The following SEMA3F variants were observed in gnomAD, a reference collection of about 807,000 sequenced individuals.
The protein encoded by SEMA3F is semaphorin 3F, also known as semaphorin-3F.
SEMA3F carries 30 observed loss-of-function variants against 98.5 expected under a neutral mutation model. That is an observed-to-expected ratio of 0.30 (90% CI 0.23 to 0.41). SEMA3F has a LOEUF of 0.41. Among genes scored for constraint, SEMA3F ranks in the 10% least tolerant of loss-of-function variants. The probability of loss-of-function intolerance (pLI) is 1.00; values close to 1 mark genes in which losing one functional copy is unlikely to be tolerated. For synonymous variants in SEMA3F, 380 were observed against 444.8 expected (o/e 0.85, Z 1.83); for missense variants, 866 against 1,119.3 (o/e 0.77, Z 3.23).
In SEMA3F at chr3:50,183,563, C is replaced by T. The variant is rs200890253; in HGVS notation, c.1232C>T (p.Thr411Met). 26 of 1,613,722 alleles carry T rather than the reference C, an allele frequency of 1.6e-5. No homozygotes were observed. Among genetic ancestry groups the T allele is most frequent in the Middle Eastern group, 1.6e-4 (1 of 6,062 alleles). ...SGKMPYPRPG[T>M]CPGGTFTPSM... is the part of the protein sequence containing the mutation. ...AAGATGCCCTACCCACGGCCGGGCA[C>T]GGTAAGGACCCCACTCATCCTGCCT... The change falls in exon 12 of 19, where the codon ACG becomes ATG. Residue 411 changes from threonine (T) to methionine (M), a missense_variant and splice_region_variant. Thr to Met is a moderately conservative substitution (Grantham distance 81). This residue lies in a region of SEMA3F where 374 missense variants were observed against 582.8 expected (regional missense o/e 0.64). Transcript: ENST00000002829.
At chr3:50,179,431 T>C (rs1041508249) in intron 7 of SEMA3F, among the ~76,000 whole-genome samples, 3 of 151,606 alleles carry the variant, frequency 2.0e-5, no homozygotes, top group African/African-American at 7.3e-5. Context: ...GTTCAAGCGA[T>C]TCTCCTGCCT....
chr3:50,187,215 T>A (rs1699250770), intron 18 of SEMA3F, among the ~76,000 whole-genome samples: 2 of 152,080 alleles, frequency 1.3e-5, no homozygotes, highest in Non-Finnish European at 2.9e-5. Context: ...TTGCTTGAGG[T>A]CAGGGGTTCG....
rs1246087147 is a variant in SEMA3F, at chr3:50,182,487, T to A, written c.763+84T>A. The A allele has an allele frequency of 6.3e-6, 10 of 1,595,226 alleles. No individual in the cohort carries two copies. The highest frequency in any genetic ancestry group is 8.5e-6 in the Non-Finnish European group (10 of 1,169,910). ...CGTAAAGAAGCACATGTGGGGGAAGTGGGGACATGTTTAGCCTATGACTAC... is the reference window on the plus strand; with the variant it reads ...CGTAAAGAAGCACATGTGGGGGAAGAGGGGACATGTTTAGCCTATGACTAC... On this transcript the variant is annotated intron_variant, in intron 8 of 18. Coordinates refer to ENST00000002829, the MANE Select transcript of SEMA3F (RefSeq NM_004186.5). The surrounding 1 kb of genome is among the most constrained non-coding windows in gnomAD (Gnocchi z 4.5).
chr3:50,185,354 G>C (rs533567612), intron 13 of SEMA3F, 89 bp from the exon 14 acceptor site: 13 of 1,256,046 alleles, frequency 1.0e-5, no homozygotes, highest in Non-Finnish European at 1.3e-5. Flanking sequence ...CCCTAGGGGG[G>C]TTTGGGCCCT....
chr3:50,176,686 T>C, intron 6 of SEMA3F, 82 bp from the exon 7 acceptor site: 1 of 1,022,112 alleles, frequency 9.8e-7, no homozygotes, highest in South Asian at 1.3e-5. Context: ...GGGCTCATTC[T>C]CACCCTGGGA....
At chr3:50,162,729 G>A (rs916312892) in intron 2 of SEMA3F, among the ~76,000 whole-genome samples, 7 of 152,114 alleles carry the variant, frequency 4.6e-5, no homozygotes, top group South Asian at 2.1e-4. Context: ...GCTACCCCAC[G>A]ACACACTGCT....
intron 16 of SEMA3F, 92 bp downstream of exon 16, chr3:50,186,138 A>G: frequency 1.4e-6 from 2 of 1,471,126 alleles, no homozygotes; most frequent in Non-Finnish European, 1.9e-6. Flanking sequence ...CCCGGGGTGC[A>G]TGTGATATTA....
chr3:50,179,334 T>C (rs549539275), intron 7 of SEMA3F, among the ~76,000 whole-genome samples: 59 of 151,798 alleles, frequency 3.9e-4, no homozygotes, highest in African/African-American at 1.1e-3. Flanking sequence ...CTTTCTTTTT[T>C]TTTTTTTTTG....
At chr3:50,180,308 C>T (rs1260751247) in intron 7 of SEMA3F, among the ~76,000 whole-genome samples, 1 of 152,010 alleles carries the variant, frequency 6.6e-6, no homozygotes, top group Non-Finnish European at 1.5e-5. Flanking sequence ...GGATCATAGG[C>T]GCCCACCACC....
chr3:50,155,515 C>A lies in SEMA3F; in HGVS notation c.-98C>A. On this transcript the variant is annotated 5_prime_UTR_variant, in exon 1 of 19. Coordinates refer to ENST00000002829, the MANE Select transcript of SEMA3F (RefSeq NM_004186.5). The surrounding 1 kb of genome is among the most constrained non-coding windows in gnomAD (Gnocchi z 4.9). Reference sequence around the variant, plus strand: ...GCGGACCGGCCCAACGGGAGCCGCTCCGTGCCGCCGCCGCCGCCCGGGCGC... The same window carrying A: ...GCGGACCGGCCCAACGGGAGCCGCTACGTGCCGCCGCCGCCGCCCGGGCGC... 1 of 321,546 alleles carries A rather than the reference C, an allele frequency of 3.1e-6. No homozygotes were observed. The highest frequency in any genetic ancestry group is 1.4e-4 in the South Asian group (1 of 7,126). 19.9% of individuals were successfully genotyped at this position (321,546 alleles called of 1,614,324 possible).
In SEMA3F at chr3:50,182,032, A is replaced by G. The variant is rs1699033526; in HGVS notation, c.644-252A>G. On this transcript the variant is annotated intron_variant, in intron 7 of 18. Transcript: ENST00000002829. This position sits in a 1 kb window ranked among gnomAD's most constrained non-coding sequence, Gnocchi z 4.5. Reference sequence around the variant, plus strand: ...TTGCTTTCAGTGACCTCAGGTTGGTAGCTTGAAATTAGTTGTGGCAGGAGT... The same window carrying G: ...TTGCTTTCAGTGACCTCAGGTTGGTGGCTTGAAATTAGTTGTGGCAGGAGT... Among the ~76,000 whole-genome samples the G allele has an allele frequency of 6.6e-6, 1 of 152,224 alleles. No individual in the cohort carries two copies. Among genetic ancestry groups the G allele is most frequent in the Admixed American group, 6.5e-5 (1 of 15,278 alleles).
In SEMA3F at chr3:50,182,193, G is replaced by T; in HGVS notation, c.644-91G>T. ...ATCATGCCCCAGGGAGCCTGAGCGG[G>T]GAGATAAGGCCCTGCCCTGGAAGTC... On this transcript the variant is annotated intron_variant, in intron 7 of 18. Coordinates refer to ENST00000002829, the MANE Select transcript of SEMA3F (RefSeq NM_004186.5). This position sits in a 1 kb window ranked among gnomAD's most constrained non-coding sequence, Gnocchi z 4.5. 2 of 1,533,132 alleles carry T rather than the reference G, an allele frequency of 1.3e-6. No homozygotes were observed. Among genetic ancestry groups the T allele is most frequent in the Non-Finnish European group, 9.0e-7 (1 of 1,109,736 alleles). 95.0% of individuals were successfully genotyped at this position (1,533,132 alleles called of 1,614,324 possible).
At chr3:50,155,143 C>G (rs548851880), upstream of SEMA3F, 4 of 387,006 alleles carry the variant, frequency 1.0e-5, no homozygotes, top group Non-Finnish European at 1.9e-5. The surrounding 1 kb of genome is among the most constrained non-coding windows in gnomAD (Gnocchi z 4.9). Flanking sequence ...CAGCGCAGGA[C>G]CTGGGTACGC....
rs147135053 is a variant in SEMA3F at position 50,173,813 on chromosome 3, G to A, written c.133G>A (p.Ala45Thr). 7.4e-6 allele frequency: 12 copies of A among 1,614,018 alleles called. No individual in the cohort carries two copies. Among genetic ancestry groups the A allele is most frequent in the South Asian group, 1.1e-5 (1 of 91,076 alleles). The stretch of plus-strand genomic sequence containing the variant: ...CACAGAGCTGAAGGCCACAGGCACC[G>A]CCCACTTCTTCAACTTCCTGCTCAA... ...SFKELKATGT[A>T]HFFNFLLNTT... is the part of the protein sequence containing the mutation. The change falls in exon 3 of 19, where the codon GCC becomes ACC. Residue 45 changes from alanine (A) to threonine (T), a missense_variant. Coordinates refer to ENST00000002829, the MANE Select transcript of SEMA3F (RefSeq NM_004186.5).
intron 6 of SEMA3F, 104 bp from the exon 7 acceptor site, chr3:50,176,664 G>A: frequency 1.2e-6 from 1 of 817,274 alleles, no homozygotes; most frequent in East Asian, 2.4e-5. Flanking sequence ...GGTGGGCTCG[G>A]GGTATGCCTG....
At chr3:50,174,405 G>C (rs1414275405) in intron 5 of SEMA3F, 55 bp downstream of exon 5, 4 of 1,558,666 alleles carry the variant, frequency 2.6e-6, no homozygotes, top group Non-Finnish European at 3.5e-6. Flanking sequence ...TGCATCCCAG[G>C]GTCCTGATGG....
rs766536900 is a variant in SEMA3F, at chr3:50,183,396, C to T, written c.1089-24C>T. On this transcript the variant is annotated intron_variant, in intron 11 of 18. Transcript: ENST00000002829. ...CCCTAGGTGGAGGGTCTGTCCTGCT[C>T]AGCAGCGCCTGCCATGCCCACAGCT... is the stretch of plus-strand genomic sequence containing the variant. The T allele has an allele frequency of 8.7e-6, 14 of 1,613,352 alleles. No homozygotes were observed. The South Asian group carries it at 8.8e-5, about 10-fold the overall frequency.
At chr3:50,162,354 T>C (rs1698237577) in intron 2 of SEMA3F, among the ~76,000 whole-genome samples, 1 of 152,160 alleles carries the variant, frequency 6.6e-6, no homozygotes, top group African/African-American at 2.4e-5. Flanking sequence ...TTCCCTCAGA[T>C]TAGGGGGGCT....
chr3:50,185,359 G>C (rs1417052038), intron 13 of SEMA3F, 84 bp from the exon 14 acceptor site: 1 of 1,316,634 alleles, frequency 7.6e-7, no homozygotes, highest in Non-Finnish European at 1.1e-6. Flanking sequence ...GGGGGGTTTG[G>C]GCCCTGGTGG....
Sources: allele counts gnomAD v4.1 joint callset (sites outside exome capture counted in the v4.1 genomes callset), GRCh38; gene constraint gnomAD v4.1.1; regional missense constraint gnomAD v4.1.1; non-coding constraint Gnocchi (gnomAD v3.1); transcripts MANE v1.5; gene names NCBI Gene and HGNC (gene_info 2026-07-23, HGNC 2026-07-21).